The following NAALADL2 variants were observed in gnomAD, a reference collection of about 807,000 sequenced individuals.
NAALADL2 encodes the protein N-acetylated alpha-linked acidic dipeptidase like 2, also known as inactive N-acetylated-alpha-linked acidic dipeptidase-like protein 2.
A neutral mutation model predicts 87.2 loss-of-function variants in NAALADL2; 76 were observed. That is an observed-to-expected ratio of 0.87 (90% CI 0.72 to 1.05). The LOEUF (loss-of-function observed/expected upper bound fraction) is 1.05, where lower values mean the gene tolerates loss of function less well. Among genes scored for constraint, NAALADL2 ranks in the 50% least tolerant of loss-of-function variants. The pLI, the probability that NAALADL2 is intolerant of heterozygous loss-of-function variation, is 0.00. For missense variants in NAALADL2, 1,089 were observed against 945.8 expected (o/e 1.15, Z -1.99); for synonymous variants, 354 against 331.0 (o/e 1.07, Z -0.75).
At chr3:175,083,283 C>A (rs1718233603) in intron 1 of NAALADL2, among the ~76,000 whole-genome samples, 2 of 152,114 alleles carry the variant, frequency 1.3e-5, no homozygotes, top group African/African-American at 4.8e-5. Flanking sequence ...TTTTCTTTTT[C>A]AGAGATTGGA....
chr3:175,349,729 C>A (rs1437358399), intron 5 of NAALADL2, among the ~76,000 whole-genome samples: 1 of 152,062 alleles, frequency 6.6e-6, no homozygotes, highest in Non-Finnish European at 1.5e-5. Context: ...GGATAGAAAG[C>A]CTAAACCCCA....
intron 2 of NAALADL2, among the ~76,000 whole-genome samples, chr3:175,154,990 G>A (rs1006382567): frequency 3.9e-5 from 6 of 152,164 alleles, no homozygotes; most frequent in South Asian, 2.1e-4. Context: ...AGTTGAAGGT[G>A]TGTGAAAAAG....
chr3:174,731,601 C>T (rs1436883135), intron 2 of NAALADL2, among the ~76,000 whole-genome samples: 1 of 152,014 alleles, frequency 6.6e-6, no homozygotes, highest in East Asian at 1.9e-4. Flanking sequence ...CTGTTTAATC[C>T]AGTGATTCTC....
At chr3:175,069,247 T>A (rs1388196548) in intron 1 of NAALADL2, among the ~76,000 whole-genome samples, 5 of 149,494 alleles carry the variant, frequency 3.3e-5, no homozygotes, top group African/African-American at 5.1e-5. Flanking sequence ...GGAGAAAATT[T>A]TCGCAACCTA....
At chr3:174,519,545 G>C (rs770318200) in intron 1 of NAALADL2, among the ~76,000 whole-genome samples, 167 of 151,922 alleles carry the variant, frequency 1.1e-3, no homozygotes, top group South Asian at 1.7e-3. Flanking sequence ...TGGTCAGTCT[G>C]GTCTCGAACT....
chr3:174,753,592 A>G (rs1038683015), intron 3 of NAALADL2, among the ~76,000 whole-genome samples: 4 of 152,170 alleles, frequency 2.6e-5, no homozygotes, highest in Non-Finnish European at 5.9e-5. Context: ...CCAGACAGCT[A>G]TGCAACTTCT....
chr3:175,260,375 A>G (rs1750817330), intron 4 of NAALADL2, among the ~76,000 whole-genome samples: 1 of 152,104 alleles, frequency 6.6e-6, no homozygotes, highest in Non-Finnish European at 1.5e-5. Context: ...TGTAATTTCC[A>G]TTCTAGTCAT....
intron 8 of NAALADL2, among the ~76,000 whole-genome samples, chr3:175,471,080 C>G (rs1212174424): frequency 6.6e-6 from 1 of 152,086 alleles, no homozygotes; most frequent in African/African-American, 2.4e-5. Context: ...TGACTTTTGT[C>G]AGGAACATGC....
intron 5 of NAALADL2, among the ~76,000 whole-genome samples, chr3:175,418,227 G>T (rs1303708670): frequency 6.6e-6 from 1 of 152,182 alleles, no homozygotes; most frequent in African/African-American, 2.4e-5. Flanking sequence ...GTTTCTGTCT[G>T]CTAAATAGCA....
At chr3:175,032,423 A>G (rs1752907029) in intron 1 of NAALADL2, among the ~76,000 whole-genome samples, 1 of 152,104 alleles carries the variant, frequency 6.6e-6, no homozygotes, top group Non-Finnish European at 1.5e-5. Flanking sequence ...ATCAAGAATT[A>G]TATTGCTCAT....
chr3:175,199,869 T>C (rs1364303905), intron 2 of NAALADL2, among the ~76,000 whole-genome samples: 1 of 19,906 alleles, frequency 5.0e-5, no homozygotes, highest in East Asian at 2.1e-3. Context: ...TATATATTTT[T>C]TTTTTTTTTT....
intron 2 of NAALADL2, among the ~76,000 whole-genome samples, chr3:175,172,921 G>GCACA (rs1350328563): frequency 6.6e-6 from 1 of 152,124 alleles, no homozygotes; most frequent in Non-Finnish European, 1.5e-5. Flanking sequence ...CATTAGGAGT[G>GCACA]TTCAAGCAAA....
intron 1 of NAALADL2, among the ~76,000 whole-genome samples, chr3:174,503,950 G>A (rs891043216): frequency 6.6e-6 from 1 of 151,904 alleles, no homozygotes; most frequent in Non-Finnish European, 1.5e-5. Flanking sequence ...TTTTTAAAAT[G>A]CATTTAGACT....
At chr3:175,274,354 A>G (rs577912067) in intron 4 of NAALADL2, among the ~76,000 whole-genome samples, 11 of 152,320 alleles carry the variant, frequency 7.2e-5, no homozygotes, top group African/African-American at 2.4e-4. Flanking sequence ...TCAAGGTGAG[A>G]TTTGAACAAA....
intron 9 of NAALADL2, among the ~76,000 whole-genome samples, chr3:175,544,778 G>A (rs4131178): frequency 0.016 from 2,440 of 151,854 alleles, 52 homozygotes; most frequent in African/African-American, 0.054. Flanking sequence ...TGTCCAAGTC[G>A]ATGCCACTCT....
chr3:174,504,961 C>T (rs1254254633), intron 1 of NAALADL2, among the ~76,000 whole-genome samples: 2 of 152,066 alleles, frequency 1.3e-5, no homozygotes, highest in Non-Finnish European at 2.9e-5. Context: ...GGATAATCAG[C>T]CTAAACCATC....
chr3:175,700,802 T>C (rs1042359915), intron 11 of NAALADL2, among the ~76,000 whole-genome samples: 1 of 152,150 alleles, frequency 6.6e-6, no homozygotes, highest in Non-Finnish European at 1.5e-5. Flanking sequence ...AACTGATCAA[T>C]ATTCTTTTAT....
Position 175,665,926 on chromosome 3 carries a change from T to TA in NAALADL2, c.1896+38540_1896+38541insA, listed in dbSNP as rs1553944810. On this transcript the variant is annotated intron_variant, in intron 11 of 13. Coordinates refer to ENST00000454872, the MANE Select transcript of NAALADL2 (RefSeq NM_207015.3). ...AGCCTGGCAACAGAGTGGGACTCTG[T>TA]CCCCCCCCCAAAAAAAAGGTTTTAT... Among the ~76,000 whole-genome samples, 4 of 147,600 alleles carry TA rather than the reference T, an allele frequency of 2.7e-5. No homozygotes were observed. The Admixed American group carries it at 2.7e-4, about 10-fold the overall frequency.
chr3:175,604,145 A>G (rs1008085191), intron 10 of NAALADL2, among the ~76,000 whole-genome samples: 3 of 152,024 alleles, frequency 2.0e-5, no homozygotes, highest in Non-Finnish European at 4.4e-5. Context: ...CAGCTGTCCC[A>G]TTTTACATTC....
Sources: allele counts gnomAD v4.1 joint callset (sites outside exome capture counted in the v4.1 genomes callset), GRCh38; gene constraint gnomAD v4.1.1; transcripts MANE v1.5; gene names NCBI Gene and HGNC (gene_info 2026-07-23, HGNC 2026-07-21).